SETD3: variants seen among roughly 807,000 people sequenced by gnomAD.
The protein encoded by SETD3 is SET domain containing 3, actin N3(tau)-histidine methyltransferase, also known as actin-histidine N-methyltransferase.
Under a neutral mutation model 63.0 loss-of-function variants are expected in SETD3, and 19 were observed. The ratio of observed to expected loss-of-function variants is 0.30; its 90% CI spans 0.21 to 0.44. The LOEUF (loss-of-function observed/expected upper bound fraction) is 0.44, where lower values mean the gene tolerates loss of function less well. SETD3 is among the 20% of genes least tolerant of loss of function. The pLI, the probability that SETD3 is intolerant of heterozygous loss-of-function variation, is 1.00. For missense variants in SETD3, 587 were observed against 728.5 expected, an observed-to-expected ratio of 0.81 and a Z score of 2.24; for synonymous variants, 286 against 264.1, an observed-to-expected ratio of 1.08 and a Z score of -0.80.
upstream of SETD3, among the ~76,000 whole-genome samples, chr14:99,482,344 G>T: frequency 6.6e-6 from 1 of 152,228 alleles, no homozygotes; most frequent in East Asian, 1.9e-4. Context: ...CTAAAGGTTT[G>T]TATGAATGAT....
chr14:99,404,193 G>C (rs1279453977), intron 11 of SETD3, 32 bp downstream of exon 11: 2 of 1,572,224 alleles, frequency 1.3e-6, no homozygotes, highest in African/African-American at 1.4e-5. Flanking sequence ...AAAGAAAAAA[G>C]TCAACATCTC....
intron 6 of SETD3, among the ~76,000 whole-genome samples, chr14:99,447,829 A>G (rs1894222596): frequency 6.6e-6 from 1 of 152,248 alleles, no homozygotes; most frequent in Non-Finnish European, 1.5e-5. Context: ...TTCCTCTAAG[A>G]ACGAGTATCT....
intron 2 of SETD3, among the ~76,000 whole-genome samples, chr14:99,464,236 T>C (rs1895240517): frequency 6.6e-6 from 1 of 152,216 alleles, no homozygotes. Flanking sequence ...GACTGCACAC[T>C]GGGCACCCCG....
intron 11 of SETD3, among the ~76,000 whole-genome samples, chr14:99,400,840 T>C (rs1277137204): frequency 6.6e-6 from 1 of 152,148 alleles, no homozygotes; most frequent in Non-Finnish European, 1.5e-5. Flanking sequence ...AGGAGCACTA[T>C]CAAAATCTTA....
chr14:99,412,819 C>T (rs187462873), intron 8 of SETD3, 132 bp downstream of exon 8: 47 of 649,964 alleles, frequency 7.2e-5, no homozygotes, highest in African/African-American at 6.7e-4. Context: ...GTGGCCGGTT[C>T]GGTTTTGTTT....
chr14:99,421,727 T>G (rs1242100753), intron 6 of SETD3, among the ~76,000 whole-genome samples: 1 of 152,172 alleles, frequency 6.6e-6, no homozygotes, highest in Admixed American at 6.5e-5. Context: ...ATGGCACTTA[T>G]TAGCCTCATT....
At position 99,480,817 on chromosome 14, in the gene SETD3, TGGC is replaced by T. The variant is rs941563485; in HGVS notation, c.-101_-99del. 2.5e-4 allele frequency: 40 copies of T among 161,394 alleles called. No individual in the cohort carries two copies. The highest frequency in any genetic ancestry group is 9.2e-4 in the South Asian group (5 of 5,428). The allele number at this position is 161,394 out of a possible 1,614,324, so 10.0% of individuals were successfully genotyped here. ...ACCAACCCCCAGGCGGTGGCGGCGG[TGGC>T]GGCGGCGGCGGCCGGACGGGAGGGG... On this transcript the variant is annotated 5_prime_UTR_variant, in exon 1 of 13. Transcript: ENST00000331768.
At chr14:99,411,672 T>C (rs1892000213) in intron 8 of SETD3, 1 of 152,246 alleles carries the variant, frequency 6.6e-6, no homozygotes, top group African/African-American at 2.4e-5. Context: ...TATTAAAAGC[T>C]ATTTGAAGAT....
chr14:99,457,762 G>A (rs1894841596), intron 6 of SETD3, among the ~76,000 whole-genome samples: 1 of 152,284 alleles, frequency 6.6e-6, no homozygotes, highest in South Asian at 2.1e-4. Context: ...TGTCATCACA[G>A]GTAATTCAAA....
At chr14:99,441,698 C>T (rs1893824892) in intron 6 of SETD3, among the ~76,000 whole-genome samples, 1 of 152,206 alleles carries the variant, frequency 6.6e-6, no homozygotes, top group African/African-American at 2.4e-5. Flanking sequence ...TGATCACCAC[C>T]AGAGGGAGTG....
chr14:99,405,543 A>C (rs1382082335), intron 9 of SETD3, among the ~76,000 whole-genome samples, 172 bp from the exon 10 acceptor site: 1 of 152,168 alleles, frequency 6.6e-6, no homozygotes, highest in Non-Finnish European at 1.5e-5. Flanking sequence ...CAATTTTCCC[A>C]ACTTTCCAAA....
chr14:99,448,561 CCCA>C (rs1894270076), intron 6 of SETD3, among the ~76,000 whole-genome samples: 1 of 152,152 alleles, frequency 6.6e-6, no homozygotes, highest in Admixed American at 6.5e-5. Context: ...ATAATATCTA[CCCA>C]GTTCCCATGA....
At chr14:99,410,119 C>T in intron 8 of SETD3, 1 of 1,374,252 alleles carries the variant, frequency 7.3e-7, no homozygotes, top group African/African-American at 1.4e-5. Flanking sequence ...TCAGGGCAGC[C>T]ACGCTGGAGG....
intron 7 of SETD3, chr14:99,413,319 A>T: frequency 2.2e-6 from 1 of 446,790 alleles, no homozygotes; most frequent in Admixed American, 3.8e-5. Flanking sequence ...GGCTTTGCGC[A>T]GGGCTCAGGC....
intron 2 of SETD3, among the ~76,000 whole-genome samples, chr14:99,465,354 G>C (rs1027015284): frequency 1.3e-5 from 2 of 152,202 alleles, no homozygotes; most frequent in African/African-American, 2.4e-5. Context: ...AGAACACTGA[G>C]TTTCGGAAGG....
At chr14:99,475,310 G>A (rs1202351387) in intron 1 of SETD3, among the ~76,000 whole-genome samples, 3 of 152,210 alleles carry the variant, frequency 2.0e-5, no homozygotes, top group Non-Finnish European at 4.4e-5. Flanking sequence ...GAGCAGTCAC[G>A]ATCAGTACTT....
intron 11 of SETD3, among the ~76,000 whole-genome samples, chr14:99,403,728 T>C (rs1459288493): frequency 1.3e-5 from 2 of 152,232 alleles, no homozygotes; most frequent in Admixed American, 6.5e-5. Context: ...TGCAATGTTA[T>C]TTACTCTAAC....
At chr14:99,479,554 T>C (rs541183291) in intron 1 of SETD3, among the ~76,000 whole-genome samples, 1 of 152,328 alleles carries the variant, frequency 6.6e-6, no homozygotes, top group South Asian at 2.1e-4. Context: ...TACTGGTTAG[T>C]TCAGTTTTGA....
chr14:99,425,645 T>C (rs1892840807), intron 6 of SETD3, among the ~76,000 whole-genome samples: 1 of 152,214 alleles, frequency 6.6e-6, no homozygotes, highest in South Asian at 2.1e-4. Flanking sequence ...GGCAGATGCC[T>C]AGAAATGGAC....
Sources: allele counts gnomAD v4.1 joint callset (sites outside exome capture counted in the v4.1 genomes callset), GRCh38; gene constraint gnomAD v4.1.1; transcripts MANE v1.5; gene names NCBI Gene and HGNC (gene_info 2026-07-23, HGNC 2026-07-21).